CCSER1: variants seen among roughly 807,000 people sequenced by gnomAD.
CCSER1 encodes the protein coiled-coil serine rich protein 1.
In CCSER1, 41 loss-of-function variants were observed where a neutral mutation model predicts 82.0. That is an observed-to-expected ratio of 0.50 (90% CI 0.39 to 0.65). The LOEUF (loss-of-function observed/expected upper bound fraction) is 0.65, where lower values mean the gene tolerates loss of function less well. CCSER1 is among the 30% of genes least tolerant of loss of function. The pLI is 0.00. For missense variants in CCSER1, 1,119 were observed against 1,064.2 expected, an observed-to-expected ratio of 1.05 and a Z score of -0.72; for synonymous variants, 414 against 383.9, an observed-to-expected ratio of 1.08 and a Z score of -0.92.
At chr4:90,421,857 A>C (rs553630078) in intron 4 of CCSER1, among the ~76,000 whole-genome samples, 1 of 152,134 alleles carries the variant, frequency 6.6e-6, no homozygotes, top group Non-Finnish European at 1.5e-5. Context: ...GGGGACAGTC[A>C]GTGGTGTAAA....
At chr4:90,917,410 A>C (rs1039282041) in intron 8 of CCSER1, among the ~76,000 whole-genome samples, 1 of 152,186 alleles carries the variant, frequency 6.6e-6, no homozygotes, top group South Asian at 2.1e-4. Context: ...AAACTATTGC[A>C]AGGACAAAAA....
intron 10 of CCSER1, among the ~76,000 whole-genome samples, chr4:91,286,460 C>T (rs568650555): frequency 6.6e-6 from 1 of 151,824 alleles, no homozygotes; most frequent in Non-Finnish European, 1.5e-5. Context: ...AATGATGCAT[C>T]ATTTATTCAG....
chr4:90,750,476 G>A (rs28580289), intron 7 of CCSER1, among the ~76,000 whole-genome samples: 3,176 of 152,184 alleles, frequency 0.021, 116 homozygotes, highest in African/African-American at 0.073. Flanking sequence ...GGGGTTGTTT[G>A]AGGGCAAGGA....
chr4:90,733,931 G>A (rs775902503), intron 7 of CCSER1, among the ~76,000 whole-genome samples: 123 of 151,954 alleles, frequency 8.1e-4, no homozygotes, highest in Non-Finnish European at 1.6e-3. Flanking sequence ...CTATAGCTCT[G>A]TAATATGATT....
chr4:90,378,231 G>A lies in CCSER1; in HGVS notation c.1510-21805G>A, dbSNP rs191180685. Among the ~76,000 whole-genome samples, 413 of 152,182 alleles carry A rather than the reference G, an allele frequency of 2.7e-3. 3 individuals are homozygous for A. The highest frequency in any genetic ancestry group is 9.4e-3 in the African/African-American group (390 of 41,524). ...GAAACAGCTATTTTTAGCTCTGATAGAACTAAAATCTATACCTGTCTTGGA... is the reference window on the plus strand; with the variant it reads ...GAAACAGCTATTTTTAGCTCTGATAAAACTAAAATCTATACCTGTCTTGGA... On this transcript the variant is annotated intron_variant, in intron 3 of 10. Coordinates refer to ENST00000509176, the MANE Select transcript of CCSER1 (RefSeq NM_001145065.2).
At chr4:91,131,599 T>C (rs924980080) in intron 10 of CCSER1, among the ~76,000 whole-genome samples, 2 of 152,086 alleles carry the variant, frequency 1.3e-5, no homozygotes, top group Non-Finnish European at 2.9e-5. Context: ...AGAAAAAATC[T>C]ATGTGTATAC....
At position 91,183,614 on chromosome 4, in the gene CCSER1, G is replaced by A. The variant is rs148835029; in HGVS notation, c.2217+97620G>A. ...TTCTCCCAATCCCTATCATAGTAGC[G>A]ATTTGATATAAATAAGGAGTTAGAG... is the stretch of plus-strand genomic sequence containing the variant. On this transcript the variant is annotated intron_variant, in intron 10 of 10. Transcript: ENST00000509176. 2.5e-3 allele frequency among the ~76,000 whole-genome samples: 383 copies of A among 151,168 alleles called. 8 individuals are homozygous for A. In the East Asian group the frequency reaches 0.032, roughly 13 times the overall value.
chr4:90,917,044 A>G (rs973158514), intron 8 of CCSER1, among the ~76,000 whole-genome samples: 5 of 152,100 alleles, frequency 3.3e-5, no homozygotes, highest in Non-Finnish European at 7.4e-5. Context: ...TGGAGAAATA[A>G]GAACACTTTT....
intron 10 of CCSER1, among the ~76,000 whole-genome samples, chr4:91,205,963 A>T (rs1488890348): frequency 1.3e-5 from 2 of 151,886 alleles, no homozygotes; most frequent in African/African-American, 4.8e-5. Context: ...TAATAAAAGT[A>T]AAGTAACATC....
intron 5 of CCSER1, among the ~76,000 whole-genome samples, chr4:90,481,053 T>G (rs1765871782): frequency 6.6e-6 from 1 of 152,220 alleles, no homozygotes; most frequent in Admixed American, 6.5e-5. Flanking sequence ...TTTTATTTCC[T>G]TGAGCAGTGG....
chr4:90,629,678 C>G (rs1723999365), intron 6 of CCSER1, among the ~76,000 whole-genome samples: 1 of 152,130 alleles, frequency 6.6e-6, no homozygotes, highest in Non-Finnish European at 1.5e-5. Context: ...GTGTCCCATA[C>G]AGGTTATATC....
At chr4:91,083,330 A>G (rs1391433709) in intron 9 of CCSER1, among the ~76,000 whole-genome samples, 2 of 151,984 alleles carry the variant, frequency 1.3e-5, no homozygotes, top group Non-Finnish European at 2.9e-5. Context: ...CAAACACCTC[A>G]TGTTCTCACT....
chr4:90,390,504 T>C (rs1229305255), intron 3 of CCSER1, among the ~76,000 whole-genome samples: 3 of 152,180 alleles, frequency 2.0e-5, no homozygotes, highest in Admixed American at 2.0e-4. Context: ...TATTACCCAA[T>C]GTTTATCTCC....
intron 10 of CCSER1, among the ~76,000 whole-genome samples, chr4:91,194,697 T>C (rs1735266081): frequency 6.6e-6 from 1 of 151,400 alleles, no homozygotes; most frequent in South Asian, 2.1e-4. Context: ...CACACACAAA[T>C]GCACGCAGAA....
chr4:90,232,463 G>A (rs1268645021), intron 1 of CCSER1, among the ~76,000 whole-genome samples: 6 of 151,998 alleles, frequency 3.9e-5, no homozygotes, highest in Non-Finnish European at 5.9e-5. Context: ...ACCTTATACA[G>A]AAATCAATTC....
intron 10 of CCSER1, among the ~76,000 whole-genome samples, chr4:91,334,166 T>C (rs925137199): frequency 6.6e-6 from 1 of 152,154 alleles, no homozygotes; most frequent in East Asian, 1.9e-4. Flanking sequence ...ATCCTAATTA[T>C]GTGATAATAG....
chr4:90,720,727 A>C (rs936007051), intron 6 of CCSER1, among the ~76,000 whole-genome samples: 1 of 152,054 alleles, frequency 6.6e-6, no homozygotes, highest in African/African-American at 2.4e-5. Context: ...TCCTTTCTTC[A>C]TATCAAAATG....
intron 4 of CCSER1, among the ~76,000 whole-genome samples, chr4:90,462,885 A>G (rs186593712): frequency 6.6e-6 from 1 of 152,336 alleles, no homozygotes; most frequent in African/African-American, 2.4e-5. Flanking sequence ...TTCATAGTTT[A>G]CTAATGGGAA....
intron 7 of CCSER1, among the ~76,000 whole-genome samples, chr4:90,778,492 A>G (rs985118617): frequency 1.3e-5 from 2 of 151,600 alleles, no homozygotes; most frequent in Non-Finnish European, 2.9e-5. Context: ...TAAGTTTTCC[A>G]TTAAATGGCA....
Sources: allele counts gnomAD v4.1 joint callset (sites outside exome capture counted in the v4.1 genomes callset), GRCh38; gene constraint gnomAD v4.1.1; transcripts MANE v1.5; gene names NCBI Gene and HGNC (gene_info 2026-07-23, HGNC 2026-07-21).